RIPOR2: variants seen among roughly 807,000 people sequenced by gnomAD.
RIPOR2 encodes rho family-interacting cell polarization regulator 2.
A neutral mutation model predicts 114.5 loss-of-function variants in RIPOR2; 39 were observed. The observed-to-expected ratio is 0.34, with a 90% confidence interval of 0.26 to 0.44. The LOEUF is 0.44. Ranked by LOEUF, RIPOR2 falls within the 20% of genes least tolerant of loss-of-function variation. The probability of loss-of-function intolerance (pLI) is 1.00; values close to 1 mark genes in which losing one functional copy is unlikely to be tolerated. For synonymous variants in RIPOR2, 445 were observed against 484.4 expected (o/e 0.92, Z 1.07); for missense variants, 1,007 against 1,255.1 (o/e 0.80, Z 2.99).
upstream of RIPOR2, among the ~76,000 whole-genome samples, chr6:24,937,238 G>A (rs920284245): frequency 1.3e-5 from 2 of 152,326 alleles, no homozygotes; most frequent in African/African-American, 4.8e-5. Context: ...ATCCTTAGAG[G>A]AGAGCTTGGA....
chr6:24,921,262 A>C (rs1770455723), intron 1 of RIPOR2, among the ~76,000 whole-genome samples: 1 of 151,808 alleles, frequency 6.6e-6, no homozygotes, highest in African/African-American at 2.4e-5. Flanking sequence ...TCCTGAGCAC[A>C]AGCAGTTCTC....
intron 1 of RIPOR2, among the ~76,000 whole-genome samples, chr6:24,987,574 G>C (rs1434075381): frequency 6.6e-6 from 1 of 152,182 alleles, no homozygotes; most frequent in Non-Finnish European, 1.5e-5. Context: ...AGATGAAAGA[G>C]AATAAGATGG....
intron 1 of RIPOR2, among the ~76,000 whole-genome samples, chr6:24,886,692 G>T (rs1322473704): frequency 6.6e-6 from 1 of 152,220 alleles, no homozygotes; most frequent in African/African-American, 2.4e-5. Flanking sequence ...CATTGCATCA[G>T]AGGCTCAAGG....
rs1770742080 is a variant in RIPOR2, at chr6:24,924,759, A to G, written c.61+11079T>C. ...GAAAGAGATGATACAAAAGGGGAAG[A>G]GGAAGAGAGGATTACAAAACTCTCA... On this transcript the variant is annotated intron_variant, in intron 1 of 21. Coordinates refer to ENST00000643898, the MANE Select transcript of RIPOR2 (RefSeq NM_001286445.3). Among the ~76,000 whole-genome samples the G allele has an allele frequency of 2.6e-5, 4 of 152,346 alleles. No individual in the cohort carries two copies. The South Asian group carries it at 8.3e-4, about 32-fold the overall frequency.
chr6:24,961,786 T>G (rs761409364), intron 1 of RIPOR2, among the ~76,000 whole-genome samples: 53 of 152,076 alleles, frequency 3.5e-4, no homozygotes, highest in Admixed American at 1.2e-3. Flanking sequence ...CCACCATGCC[T>G]GGCTAATTTT....
At chr6:24,825,925 CTTTT>C (rs11454820) in intron 18 of RIPOR2, among the ~76,000 whole-genome samples, 4 of 126,300 alleles carry the variant, frequency 3.2e-5, no homozygotes, top group Non-Finnish European at 3.2e-5. Context: ...ATGTTTTTCT[CTTTT>C]TTTTTTTTTT....
chr6:24,885,536 A>G (rs1168808472), intron 1 of RIPOR2, among the ~76,000 whole-genome samples: 1 of 152,136 alleles, frequency 6.6e-6, no homozygotes, highest in Non-Finnish European at 1.5e-5. Context: ...AGTGGTACCT[A>G]TTTCTTAATC....
intron 1 of RIPOR2, chr6:24,976,691 G>T (rs1017204139): frequency 4.4e-6 from 7 of 1,607,408 alleles, no homozygotes; most frequent in African/African-American, 4.0e-5. Context: ...GACTTCACAC[G>T]CCATAATGGC....
intron 1 of RIPOR2, among the ~76,000 whole-genome samples, chr6:24,877,827 G>A (rs527785654): frequency 2.4e-4 from 37 of 152,252 alleles, no homozygotes; most frequent in African/African-American, 8.7e-4. Flanking sequence ...GGGTTGGACC[G>A]CACAGTCTAA....
rs1554130560 is a variant in RIPOR2 at position 25,005,738 on chromosome 6, T to TATACACATAC, written c.76+36112_76+36113insGTATGTGTAT. 7.1e-5 allele frequency among the ~76,000 whole-genome samples: 5 copies of TATACACATAC among 70,700 alleles called. 1 individual carries two copies. Among genetic ancestry groups the TATACACATAC allele is most frequent in the Admixed American group, 3.2e-4 (2 of 6,234 alleles). 46.4% of individuals were successfully genotyped at this position (70,700 alleles called of 152,430 possible). ...ATATATATATATATATATATATATA[T>TATACACATAC]ATACATTTACCGATCAAAAGATATG... On this transcript the variant is annotated intron_variant, in intron 1 of 13. Coordinates refer to the RIPOR2 transcript ENST00000510784.
At chr6:25,020,834 G>A (rs966734902) in intron 1 of RIPOR2, among the ~76,000 whole-genome samples, 3 of 152,060 alleles carry the variant, frequency 2.0e-5, no homozygotes, top group Admixed American at 6.6e-5. Flanking sequence ...TGGGGACAAG[G>A]TTCATGTCTA....
At chr6:24,879,294 G>C (rs961251927) in intron 1 of RIPOR2, among the ~76,000 whole-genome samples, 3 of 152,194 alleles carry the variant, frequency 2.0e-5, no homozygotes, top group African/African-American at 7.2e-5. Flanking sequence ...TGCCGTGAGA[G>C]GAGATCGCGC....
At chr6:24,966,410 A>G (rs1029598608) in intron 1 of RIPOR2, among the ~76,000 whole-genome samples, 21 of 152,204 alleles carry the variant, frequency 1.4e-4, no homozygotes, top group African/African-American at 5.1e-4. Flanking sequence ...TTAAGTTTAC[A>G]AAATTACCTA....
chr6:24,976,411 T>G (rs1447591731), intron 1 of RIPOR2: 18 of 1,520,138 alleles, frequency 1.2e-5, no homozygotes, highest in Non-Finnish European at 1.6e-5. Flanking sequence ...AACCGTGTGC[T>G]ATTAGCCATG....
At chr6:24,950,542 G>A (rs868180023) in intron 1 of RIPOR2, among the ~76,000 whole-genome samples, 20 of 152,142 alleles carry the variant, frequency 1.3e-4, no homozygotes, top group African/African-American at 4.8e-4. Flanking sequence ...CGAAGTAAAA[G>A]GGAGCTCAGT....
chr6:24,929,331 A>AC (rs2114140458), intron 1 of RIPOR2: 1 of 152,268 alleles, frequency 6.6e-6, no homozygotes, highest in African/African-American at 2.4e-5. Context: ...GGCTCTTGAC[A>AC]CGTCCCTCTT....
chr6:25,023,530 C>T (rs770413865), intron 1 of RIPOR2: 1 of 773,866 alleles, frequency 1.3e-6, no homozygotes, highest in Non-Finnish European at 2.4e-6. Context: ...AAGCGGTGTA[C>T]ACCAGCTCAG....
intron 12 of RIPOR2, among the ~76,000 whole-genome samples, chr6:24,845,029 A>G: frequency 6.6e-6 from 1 of 151,820 alleles, no homozygotes; most frequent in Non-Finnish European, 1.5e-5. Flanking sequence ...ATCCCGACAC[A>G]TGCAGTTCGT....
chr6:24,933,009 G>A (rs1771521263), intron 1 of RIPOR2, among the ~76,000 whole-genome samples: 2 of 152,148 alleles, frequency 1.3e-5, no homozygotes, highest in Admixed American at 1.3e-4. Context: ...GAGGCTCAAA[G>A]AAGATAAATG....
Sources: allele counts gnomAD v4.1 joint callset (sites outside exome capture counted in the v4.1 genomes callset), GRCh38; gene constraint gnomAD v4.1.1; transcripts MANE v1.5; gene names NCBI Gene and HGNC (gene_info 2026-07-23, HGNC 2026-07-21).